The following LY86 variants were observed in gnomAD, a reference collection of about 807,000 sequenced individuals.
The protein encoded by LY86 is MD-1, RP105-associated.
A neutral mutation model predicts 17.3 loss-of-function variants in LY86; 20 were observed. The observed-to-expected ratio is 1.15, with a 90% CI of 0.81 to 1.68. LY86 has a LOEUF of 1.68. Ranked by LOEUF, LY86 falls within the 40% of genes most tolerant of loss-of-function variation. The probability of loss-of-function intolerance (pLI) is 0.00; values close to 1 mark genes in which losing one functional copy is unlikely to be tolerated. For missense variants in LY86, 200 were observed against 191.9 expected, an observed-to-expected ratio of 1.04 and a Z score of -0.25; for synonymous variants, 74 against 70.6, an observed-to-expected ratio of 1.05 and a Z score of -0.24.
intron 1 of LY86, among the ~76,000 whole-genome samples, chr6:6,610,341 A>T (rs891445582): frequency 6.6e-6 from 1 of 150,726 alleles, no homozygotes; most frequent in South Asian, 2.1e-4. Flanking sequence ...ATTTTATTTT[A>T]AAAAAATGGC....
intron 2 of LY86, among the ~76,000 whole-genome samples, chr6:6,625,592 A>G (rs568399508): frequency 6.6e-6 from 1 of 152,342 alleles, no homozygotes; most frequent in South Asian, 2.1e-4. Flanking sequence ...TCCTTTTCCA[A>G]AGCAGTTATA....
intron 1 of LY86, among the ~76,000 whole-genome samples, chr6:6,604,148 A>G (rs1761016596): frequency 1.3e-5 from 2 of 152,186 alleles, no homozygotes; most frequent in Admixed American, 1.3e-4. Flanking sequence ...GGGGTCATAT[A>G]CCCTCAATTC....
At chr6:6,589,752 CTTCTTA>C (rs1362909270) in intron 1 of LY86, among the ~76,000 whole-genome samples, 1 of 147,542 alleles carries the variant, frequency 6.8e-6, no homozygotes, top group Non-Finnish European at 1.5e-5. Context: ...CTCATCTCCT[CTTCTTA>C]TAAGTACACA....
intron 3 of LY86, among the ~76,000 whole-genome samples, chr6:6,646,750 C>A (rs940020080): frequency 5.3e-5 from 8 of 152,166 alleles, no homozygotes; most frequent in African/African-American, 1.4e-4. Flanking sequence ...TTATTATAAT[C>A]TTTTCCTTAT....
intron 3 of LY86, among the ~76,000 whole-genome samples, chr6:6,641,214 C>T (rs748984185): frequency 1.3e-5 from 2 of 152,198 alleles, no homozygotes; most frequent in Non-Finnish European, 2.9e-5. Context: ...AAATAATCCT[C>T]CAACAAACGG....
chr6:6,653,190 G>A (rs1475960844), intron 4 of LY86, among the ~76,000 whole-genome samples: 1 of 152,152 alleles, frequency 6.6e-6, no homozygotes, highest in Non-Finnish European at 1.5e-5. Flanking sequence ...CAATTTCAGT[G>A]TTGGGGACTC....
At chr6:6,592,853 C>A (rs539222423) in intron 1 of LY86, among the ~76,000 whole-genome samples, 1 of 152,168 alleles carries the variant, frequency 6.6e-6, no homozygotes, top group South Asian at 2.1e-4. Context: ...TTAAGCCCCC[C>A]AGTCTATATA....
At chr6:6,651,987 C>T (rs1390005521) in intron 4 of LY86, among the ~76,000 whole-genome samples, 3 of 121,958 alleles carry the variant, frequency 2.5e-5, no homozygotes, top group Non-Finnish European at 3.2e-5. Flanking sequence ...CCCCAGGAGG[C>T]GGAGGTTGCA....
chr6:6,605,043 C>CTA lies in LY86; in HGVS notation c.136+16174_136+16175dup, dbSNP rs1248676442. Among the ~76,000 whole-genome samples the CTA allele has an allele frequency of 3.6e-5, 4 of 111,638 alleles. No individual in the cohort carries two copies. In the East Asian group the frequency reaches 1.2e-3, roughly 34 times the overall value. 73.2% of individuals were successfully genotyped at this position (111,638 alleles called of 152,430 possible). ...TAAAAGACTTTGGAGAAAAAAAAAT[C>CTA]TAGAGTGTTTGCCACCGAGACTCTC... On this transcript the variant is annotated intron_variant, in intron 1 of 4. Transcript: ENST00000230568.
chr6:6,608,063 A>G (rs1761237716), intron 1 of LY86, among the ~76,000 whole-genome samples: 1 of 152,248 alleles, frequency 6.6e-6, no homozygotes, highest in Non-Finnish European at 1.5e-5. Context: ...TGAACAATAC[A>G]TTTAATGGTG....
intron 4 of LY86, among the ~76,000 whole-genome samples, chr6:6,652,152 C>T (rs980849129): frequency 4.7e-5 from 7 of 149,872 alleles, no homozygotes; most frequent in Admixed American, 1.3e-4. Context: ...AAGTGCAGAA[C>T]GTAAGTTCTT....
intron 1 of LY86, among the ~76,000 whole-genome samples, chr6:6,616,043 T>C (rs1235982581): frequency 6.6e-6 from 1 of 152,256 alleles, no homozygotes; most frequent in Non-Finnish European, 1.5e-5. Context: ...TGCCCAATTA[T>C]TAACTATCTA....
chr6:6,628,526 C>T (rs946311247), intron 3 of LY86, among the ~76,000 whole-genome samples: 1 of 151,998 alleles, frequency 6.6e-6, no homozygotes, highest in Non-Finnish European at 1.5e-5. Context: ...GCTCAAGTAT[C>T]CCTTTCTCTC....
chr6:6,613,317 T>TGGAGCAGGGTGGCGCTGCTCGTC (rs1761446783), intron 1 of LY86, among the ~76,000 whole-genome samples: 1 of 152,194 alleles, frequency 6.6e-6, no homozygotes, highest in Admixed American at 6.5e-5. Context: ...CGGAGCGCTA[T>TGGAGCAGGGTGGCGCTGCTCGTC]GGAGCAGGGT....
intron 3 of LY86, among the ~76,000 whole-genome samples, chr6:6,637,149 A>C (rs762250209): frequency 1.3e-5 from 2 of 151,664 alleles, no homozygotes; most frequent in Non-Finnish European, 2.9e-5. Context: ...AGGAGCTGGG[A>C]CTAGAGGCGC....
At chr6:6,616,458 T>G (rs547045290) in intron 1 of LY86, among the ~76,000 whole-genome samples, 43 of 152,322 alleles carry the variant, frequency 2.8e-4, no homozygotes, top group African/African-American at 9.9e-4. Flanking sequence ...GCCTGAAATC[T>G]CAGTCTCTTC....
At chr6:6,611,836 GTC>G (rs1761346595) in intron 1 of LY86, among the ~76,000 whole-genome samples, 1 of 152,140 alleles carries the variant, frequency 6.6e-6, no homozygotes, top group Non-Finnish European at 1.5e-5. Context: ...CAGGGCTTTT[GTC>G]TCTCCTGTCA....
Position 6,652,153 on chromosome 6 carries a change from G to C in LY86, c.406-2391G>C, listed in dbSNP as rs147421045. On this transcript the variant is annotated intron_variant, in intron 4 of 4. Coordinates refer to ENST00000230568, the MANE Select transcript of LY86 (RefSeq NM_004271.4). Reference sequence around the variant, plus strand: ...ACAGTGCATGAAGGAAGTGCAGAACGTAAGTTCTTCAACCGCTGATGGTAC... The same window carrying C: ...ACAGTGCATGAAGGAAGTGCAGAACCTAAGTTCTTCAACCGCTGATGGTAC... 9.3e-3 allele frequency among the ~76,000 whole-genome samples: 1,402 copies of C among 151,000 alleles called. 19 individuals are homozygous for C. Among genetic ancestry groups the C allele is most frequent in the African/African-American group, 0.032 (1,329 of 41,216 alleles).
At chr6:6,643,779 C>T (rs1260916030) in intron 3 of LY86, among the ~76,000 whole-genome samples, 1 of 152,220 alleles carries the variant, frequency 6.6e-6, no homozygotes, top group Non-Finnish European at 1.5e-5. Context: ...CACAAACACA[C>T]ACACACGAAA....
Sources: allele counts gnomAD v4.1 joint callset (sites outside exome capture counted in the v4.1 genomes callset), GRCh38; gene constraint gnomAD v4.1.1; transcripts MANE v1.5; gene names NCBI Gene and HGNC (gene_info 2026-07-23, HGNC 2026-07-21).